The following PRKG1 variants were observed in gnomAD, a reference collection of about 807,000 sequenced individuals.
PRKG1 encodes the protein cGMP-dependent protein kinase 1.
In PRKG1, 35 loss-of-function variants were observed where a neutral mutation model predicts 88.1. That is an observed-to-expected ratio of 0.40 (90% CI 0.30 to 0.53). The LOEUF is 0.53. PRKG1 is among the 20% of genes least tolerant of loss of function. PRKG1 has a pLI of 0.59. For synonymous variants in PRKG1, 303 were observed against 292.5 expected (o/e 1.04, Z -0.37); for missense variants, 540 against 839.8 (o/e 0.64, Z 4.41).
intron 4 of PRKG1, among the ~76,000 whole-genome samples, chr10:51,871,470 A>G (rs7094997): frequency 0.44 from 66,914 of 151,998 alleles, 14,993 homozygotes; most frequent in East Asian, 0.51. Flanking sequence ...TGCCCACTGC[A>G]CACAGCAAGA....
intron 7 of PRKG1, among the ~76,000 whole-genome samples, chr10:52,106,629 G>A (rs532880124): frequency 5.3e-5 from 8 of 151,318 alleles, no homozygotes; most frequent in South Asian, 4.2e-4. Context: ...GAGTTATTCC[G>A]GGAGGTGGAG....
chr10:51,594,235 T>C (rs78419223), intron 3 of PRKG1, among the ~76,000 whole-genome samples: 10,882 of 151,906 alleles, frequency 0.072, 1,278 homozygotes, highest in African/African-American at 0.25. Context: ...TGTATATTGC[T>C]CAGGCTGATC....
chr10:51,407,986 C>T (rs559060253), intron 2 of PRKG1, among the ~76,000 whole-genome samples: 4 of 152,168 alleles, frequency 2.6e-5, no homozygotes, highest in African/African-American at 9.6e-5. Flanking sequence ...CTGGTGGCAG[C>T]TTTCTTCCCT....
intron 2 of PRKG1, among the ~76,000 whole-genome samples, chr10:51,273,348 CAAAAAAA>C (rs35237197): frequency 8.4e-6 from 1 of 118,660 alleles, no homozygotes. Context: ...CCATCTCTTC[CAAAAAAA>C]AAAAAAAAAG....
At chr10:51,966,889 T>A (rs777132554) in intron 5 of PRKG1, among the ~76,000 whole-genome samples, 1 of 151,724 alleles carries the variant, frequency 6.6e-6, no homozygotes, top group Non-Finnish European at 1.5e-5. Context: ...AGAATGGCAA[T>A]CATTAAAAAG....
chr10:51,053,838 C>G lies in PRKG1; in HGVS notation c.266+62194C>G, dbSNP rs77113329. Among the ~76,000 whole-genome samples, 1,238 of 148,526 alleles carry G rather than the reference C, an allele frequency of 8.3e-3. 6 individuals carry two copies. The highest frequency in any genetic ancestry group is 0.034 in the Middle Eastern group (10 of 292). ...CATCGTGGAACTGAAGTTTGGAAAA[C>G]TTGGTGGTTTGTGGGTTTTTATATT... On this transcript the variant is annotated intron_variant, in intron 1 of 17. Transcript: ENST00000401604.
intron 2 of PRKG1, among the ~76,000 whole-genome samples, chr10:51,211,144 T>C (rs1838206599): frequency 6.6e-6 from 1 of 152,192 alleles, no homozygotes; most frequent in Non-Finnish European, 1.5e-5. Flanking sequence ...ATCCCTGGGA[T>C]GCAAGGCTGG....
At chr10:51,523,366 A>G (rs1313228677) in intron 3 of PRKG1, among the ~76,000 whole-genome samples, 2 of 152,194 alleles carry the variant, frequency 1.3e-5, no homozygotes, top group Admixed American at 1.3e-4. Flanking sequence ...TGTATTTTCT[A>G]TTTAAGTTGG....
chr10:51,729,706 C>CAAAAAAA lies in PRKG1; in HGVS notation c.593-74857_593-74851dup, dbSNP rs34900286. ...TGGGCAACAGAGTGAGACTCCATCT[C>CAAAAAAA]AAAAAAAAAAAAAAAAAAAAAAAAA... On this transcript the variant is annotated intron_variant, in intron 3 of 17. Transcript: ENST00000373980. Among the ~76,000 whole-genome samples, 117 of 28,766 alleles carry CAAAAAAA rather than the reference C, an allele frequency of 4.1e-3. 10 individuals carry two copies. Among genetic ancestry groups the CAAAAAAA allele is most frequent in the African/African-American group, 0.012 (109 of 8,732 alleles). The allele number at this position is 28,766 out of a possible 152,430, so 18.9% of individuals were successfully genotyped here.
At chr10:51,274,853 T>A (rs1818522192) in intron 2 of PRKG1, among the ~76,000 whole-genome samples, 1 of 152,234 alleles carries the variant, frequency 6.6e-6, no homozygotes, top group Non-Finnish European at 1.5e-5. Context: ...GGCAGTATAG[T>A]CCCTCTCTAT....
intron 3 of PRKG1, among the ~76,000 whole-genome samples, chr10:51,731,228 T>A (rs1842265564): frequency 6.6e-6 from 1 of 152,144 alleles, no homozygotes; most frequent in African/African-American, 2.4e-5. Context: ...ATCAATTCAG[T>A]TAACTGGTTT....
chr10:51,688,447 A>G (rs975988864), intron 3 of PRKG1, among the ~76,000 whole-genome samples: 4 of 152,082 alleles, frequency 2.6e-5, no homozygotes, highest in Non-Finnish European at 5.9e-5. Flanking sequence ...GGAGACAACT[A>G]TGGCAGCACC....
chr10:51,016,997 T>C (rs1029352749), intron 1 of PRKG1, among the ~76,000 whole-genome samples: 2 of 151,738 alleles, frequency 1.3e-5, no homozygotes, highest in African/African-American at 4.8e-5. Flanking sequence ...CCAAAAAAAC[T>C]GAGGCTCAAA....
At chr10:52,017,445 C>A (rs903614509) in intron 5 of PRKG1, among the ~76,000 whole-genome samples, 1 of 151,906 alleles carries the variant, frequency 6.6e-6, no homozygotes, top group Non-Finnish European at 1.5e-5. Flanking sequence ...TAGTGAGATG[C>A]CAGGGAAAGA....
intron 4 of PRKG1, among the ~76,000 whole-genome samples, chr10:51,898,078 T>G (rs1421296481): frequency 1.3e-5 from 2 of 152,134 alleles, no homozygotes; most frequent in South Asian, 4.1e-4. Context: ...TTGCTACTCC[T>G]GGAATCTACC....
At chr10:51,164,544 C>T (rs181064450) in intron 2 of PRKG1, among the ~76,000 whole-genome samples, 6,774 of 151,764 alleles carry the variant, frequency 0.045, 219 homozygotes, top group Non-Finnish European at 0.069. Flanking sequence ...CAAAGCTGGA[C>T]GGAGAATGAC....
chr10:51,574,983 A>G (rs1337454172), intron 3 of PRKG1, among the ~76,000 whole-genome samples: 3 of 151,956 alleles, frequency 2.0e-5, no homozygotes, highest in Admixed American at 6.6e-5. Flanking sequence ...AACTTTTGAT[A>G]ACATTACAGA....
At chr10:51,889,850 T>A (rs1355027082) in intron 4 of PRKG1, among the ~76,000 whole-genome samples, 2 of 152,258 alleles carry the variant, frequency 1.3e-5, no homozygotes, top group Admixed American at 6.5e-5. Flanking sequence ...GCTGCATAAA[T>A]GTCTTCTTTT....
intron 1 of PRKG1, among the ~76,000 whole-genome samples, chr10:51,143,423 A>T (rs1255275927): frequency 6.6e-6 from 1 of 152,136 alleles, no homozygotes; most frequent in Non-Finnish European, 1.5e-5. Context: ...GGCTATTGCA[A>T]ATAGTGCTGC....
Sources: gnomAD v4.1 joint callset for allele counts (sites outside exome capture counted in the v4.1 genomes callset) on GRCh38, gnomAD v4.1.1 for gene constraint, MANE v1.5 for transcripts, NCBI Gene and HGNC (gene_info 2026-07-23, HGNC 2026-07-21) for gene names.